Variants in INTS1 observed in about 807,000 individuals in gnomAD.
INTS1 encodes integrator complex subunit 1.
In INTS1, 137 loss-of-function variants were observed where a neutral mutation model predicts 241.6. That is an observed-to-expected ratio of 0.57 (90% confidence interval 0.49 to 0.65). INTS1 has a LOEUF of 0.65. INTS1 is among the 30% of genes least tolerant of loss of function. The pLI is 0.00. For missense variants in INTS1, 3,073 were observed against 3,032.2 expected (o/e 1.01, Z -0.32); for synonymous variants, 1,692 against 1,337.8 (o/e 1.26, Z -5.78).
chr7:1,482,563 A>G lies in INTS1; in HGVS notation c.3686T>C (p.Leu1229Pro). 6.2e-7 allele frequency: 1 copy of G among 1,609,872 alleles called. No homozygotes were observed. Among genetic ancestry groups the G allele is most frequent in the Non-Finnish European group, 8.5e-7 (1 of 1,177,862 alleles). The change falls in exon 27 of 48, where the codon CTC becomes CCC. Residue 1229 changes from leucine to proline, a missense_variant. Transcript: ENST00000404767. Reference protein sequence around the residue: ...LKLRMIRSEVLRLVDAALQDL... With the variant: ...LKLRMIRSEVPRLVDAALQDL... ...GACCGTACCGGCGTCCACCAGGCGG[A>G]GCACCTCAGAACGGATCATGCGCAG...
rs199689668 is a variant in INTS1 at position 1,498,863 on chromosome 7, G to C, written c.1138-11C>G. The C allele has an allele frequency of 2.7e-3, 4,378 of 1,594,000 alleles. 38 individuals carry two copies. The highest frequency in any genetic ancestry group is 0.02 in the African/African-American group (1,516 of 74,638). On this transcript the variant is annotated splice_polypyrimidine_tract_variant and intron_variant, in intron 8 of 47. Coordinates refer to ENST00000404767, the MANE Select transcript of INTS1 (RefSeq NM_001080453.3). Reference sequence around the variant, plus strand: ...GGCCGGCCGGGTCAGCTGCGGGGCCGAGGAGGGAGCAGTGGGCTCACGGCC... The same window carrying C: ...GGCCGGCCGGGTCAGCTGCGGGGCCCAGGAGGGAGCAGTGGGCTCACGGCC...
At position 1,487,834 on chromosome 7, in the gene INTS1, C is replaced by T. The variant is rs373043745; in HGVS notation, c.2442G>A (p.Ala814=). Residue 814 remains alanine (A), a synonymous_variant, in exon 19 of 48, where the codon GCG becomes GCA. Coordinates refer to ENST00000404767, the MANE Select transcript of INTS1 (RefSeq NM_001080453.3). ...QEILAFEGHL[A]AASTKQTITE... Reference sequence around the variant, plus strand: ...TGATGGTCTGCTTGGTGGACGCGGCCGCCAGGTGCCCCTCGAAGGCCAGGA... The same window carrying T: ...TGATGGTCTGCTTGGTGGACGCGGCTGCCAGGTGCCCCTCGAAGGCCAGGA... 66 of 1,613,220 alleles carry T rather than the reference C, an allele frequency of 4.1e-5. No homozygotes were observed. Among genetic ancestry groups the T allele is most frequent in the East Asian group, 6.7e-5 (3 of 44,872 alleles).
intron 2 of INTS1, 31 bp downstream of exon 2, chr7:1,503,872 C>CCCAAAGACCT: frequency 6.5e-7 from 1 of 1,537,560 alleles, no homozygotes; most frequent in Non-Finnish European, 8.8e-7. Flanking sequence ...CCCAAAGACC[C>CCCAAAGACCT]CCGGGCTGCA....
At chr7:1,470,809 G>A (rs1781426602) in intron 47 of INTS1, 37 bp downstream of exon 47, 3 of 1,525,494 alleles carry the variant, frequency 2.0e-6, no homozygotes, top group Non-Finnish European at 2.7e-6. Flanking sequence ...GCCTCCCCGA[G>A]GGCTGCCAGG....
At chr7:1,472,667 G>A (rs557519227) in intron 43 of INTS1, among the ~76,000 whole-genome samples, 48 of 152,322 alleles carry the variant, frequency 3.2e-4, no homozygotes, top group African/African-American at 1.1e-3. Context: ...CGGGCCTGGC[G>A]CTCTTCCGGC....
rs369454488 is a variant in INTS1 at position 1,472,312 on chromosome 7, G to A, written c.6145C>T (p.Pro2049Ser). 1.9e-6 allele frequency: 3 copies of A among 1,567,960 alleles called. No individual in the cohort carries two copies. Among genetic ancestry groups the A allele is most frequent in the Non-Finnish European group, 1.7e-6 (2 of 1,157,070 alleles). Residue 2049 changes from proline to serine, a missense_variant, in exon 44 of 48, where the codon CCC becomes TCC. Physicochemically the swap from Pro to Ser is moderately conservative, Grantham distance 74. Transcript: ENST00000404767. ...CCCCGGGAAAGCCGTTTCATGTAGG[G>A]GGCCATCTCGGCCGCGGTCAGAGGG... ...FTPLTAAEMA[P>S]YMKRLSRGQT...
Position 1,484,184 on chromosome 7 carries a change from AGGG to A in INTS1, c.3262-17_3262-15del. 6.3e-7 allele frequency: 1 copy of A among 1,599,102 alleles called. No individual in the cohort carries two copies. The highest frequency in any genetic ancestry group is 8.5e-7 in the Non-Finnish European group (1 of 1,171,500). ...CCGGGCCACGTCCTGGTGTGTGGAC[AGGG>A]GGGCGTCAGAGGCTCCGAGACAGCT... On this transcript the variant is annotated splice_polypyrimidine_tract_variant and intron_variant, in intron 24 of 47. Coordinates refer to ENST00000404767, the MANE Select transcript of INTS1 (RefSeq NM_001080453.3).
At position 1,470,457 on chromosome 7, in the gene INTS1, G is replaced by C; in HGVS notation, c.*120C>G. 1 of 746,806 alleles carries C rather than the reference G, an allele frequency of 1.3e-6. No homozygotes were observed. The highest frequency in any genetic ancestry group is 2.0e-5 in the South Asian group (1 of 50,222). 46.3% of individuals were successfully genotyped at this position (746,806 alleles called of 1,614,324 possible). On this transcript the variant is annotated 3_prime_UTR_variant, in exon 48 of 48. Coordinates refer to ENST00000404767, the MANE Select transcript of INTS1 (RefSeq NM_001080453.3). Reference sequence around the variant, plus strand: ...TTGCTCCTGGGCCTGCCTGGCCTCAGGGCTCGGCGCCCTCACCTCCTCGGA... The same window carrying C: ...TTGCTCCTGGGCCTGCCTGGCCTCACGGCTCGGCGCCCTCACCTCCTCGGA...
At position 1,502,358 on chromosome 7, in the gene INTS1, C is replaced by T. The variant is rs189912839; in HGVS notation, c.349+543G>A. Among the ~76,000 whole-genome samples the T allele has an allele frequency of 5.9e-5, 9 of 152,202 alleles. 1 individual carries two copies. In the South Asian group the frequency reaches 1.5e-3, roughly 25 times the overall value. ...AGAGGGGCAGGGGCGATTCTAGGCA[C>T]ACAGTTAAAGGCATTTCTGCGAGAA... On this transcript the variant is annotated intron_variant, in intron 3 of 47. Coordinates refer to ENST00000404767, the MANE Select transcript of INTS1 (RefSeq NM_001080453.3).
At chr7:1,496,343 GGTCT>G in intron 11 of INTS1, 79 bp from the exon 12 acceptor site, 1 of 549,574 alleles carries the variant, frequency 1.8e-6, no homozygotes, top group Non-Finnish European at 3.2e-6. Context: ...CGCGGCACGG[GGTCT>G]GTATCCAGAA....
chr7:1,473,945 C>T (rs1019962331), intron 41 of INTS1, among the ~76,000 whole-genome samples: 3 of 152,234 alleles, frequency 2.0e-5, no homozygotes, highest in Non-Finnish European at 4.4e-5. Context: ...GAGAACAGCA[C>T]GGAGGGTCTG....
At chr7:1,494,416 T>G (rs1782744755) in intron 14 of INTS1, 2 of 275,242 alleles carry the variant, frequency 7.3e-6, no homozygotes, top group South Asian at 8.6e-5. Flanking sequence ...CCATGGGGCT[T>G]GAAGGGGGAC....
At chr7:1,492,612 A>G (rs1244595974) in intron 16 of INTS1, among the ~76,000 whole-genome samples, 4 of 120,468 alleles carry the variant, frequency 3.3e-5, no homozygotes, top group Middle Eastern at 4.0e-3. Flanking sequence ...GTGAATATAT[A>G]GAGCATAAAC....
chr7:1,489,055 A>C (rs1334405759), intron 18 of INTS1, among the ~76,000 whole-genome samples: 1 of 151,330 alleles, frequency 6.6e-6, no homozygotes, highest in Non-Finnish European at 1.5e-5. Context: ...CCCAGTCCCC[A>C]CTCCTGTCGG....
intron 2 of INTS1, among the ~76,000 whole-genome samples, chr7:1,503,526 C>T (rs1248378970): frequency 6.6e-6 from 1 of 152,242 alleles, no homozygotes; most frequent in Non-Finnish European, 1.5e-5. Flanking sequence ...AAGCGACGTG[C>T]CCAGCGTCAC....
Position 1,499,257 on chromosome 7 carries a change from G to A in INTS1, c.948C>T (p.Pro316=). The change falls in exon 7 of 48, where the codon CCC becomes CCT. Residue 316 remains proline, a splice_region_variant and synonymous_variant. Transcript: ENST00000404767. ...GGACCGGGCAGGCACGCAGCTACCT[G>A]GGCATGAGCTGGCCCTCCTGCTCGG... ...LSPEQEGQLM[P]RYEELAESVE... 1 of 1,609,602 alleles carries A rather than the reference G, an allele frequency of 6.2e-7. No individual in the cohort carries two copies. The highest frequency in any genetic ancestry group is 1.1e-5 in the South Asian group (1 of 90,908).
rs987956927 is a variant in INTS1 at position 1,481,692 on chromosome 7, G to C, written c.3704-204C>G. Among the ~76,000 whole-genome samples, 10 of 148,034 alleles carry C rather than the reference G, an allele frequency of 6.8e-5. No homozygotes were observed. Among genetic ancestry groups the C allele is most frequent in the Non-Finnish European group, 1.5e-4 (10 of 67,070 alleles). On this transcript the variant is annotated intron_variant, in intron 27 of 47. Coordinates refer to ENST00000404767, the MANE Select transcript of INTS1 (RefSeq NM_001080453.3). The surrounding 1 kb of genome is among the most constrained non-coding windows in gnomAD (Gnocchi z 6.8). ...AGACCCTGGGCCACGTGGGCTCGGT[G>C]ACCCCACCCAAGACCTGGGGCAGTG...
chr7:1,497,212 T>C lies in INTS1; in HGVS notation c.1528A>G (p.Ile510Val). 1.2e-6 allele frequency: 2 copies of C among 1,612,934 alleles called. No individual in the cohort carries two copies. Among genetic ancestry groups the C allele is most frequent in the Non-Finnish European group, 1.7e-6 (2 of 1,179,696 alleles). Residue 510 changes from isoleucine (I) to valine (V), a missense_variant, in exon 11 of 48, where the codon ATC becomes GTC. Physicochemically the swap from Ile to Val is conservative, Grantham distance 29 (BLOSUM62 3). Transcript: ENST00000404767. The surrounding 1 kb of genome is among the most constrained non-coding windows in gnomAD (Gnocchi z 5.3). ...REIIKQTKHE[I>V]NFQAFCLGLM... is the part of the protein sequence containing the mutation. ...CCCAGGCAGAAGGCCTGGAAGTTGA[T>C]CTCGTGCTTGGTCTGCTTGATGATC...
intron 33 of INTS1, 66 bp from the exon 34 acceptor site, chr7:1,478,002 G>GAT: frequency 1.5e-6 from 2 of 1,339,464 alleles, no homozygotes; most frequent in Non-Finnish European, 2.1e-6. Context: ...GAGTGGGTGT[G>GAT]GGCTAGCCAG....
Sources: allele counts gnomAD v4.1 joint callset (sites outside exome capture counted in the v4.1 genomes callset), GRCh38; gene constraint gnomAD v4.1.1; non-coding constraint Gnocchi (gnomAD v3.1); transcripts MANE v1.5; gene names NCBI Gene and HGNC (gene_info 2026-07-23, HGNC 2026-07-21).